Variants in PCDHGA7 observed in about 807,000 individuals in gnomAD.
PCDHGA7 encodes protocadherin gamma subfamily A, 7, also known as protocadherin gamma-A7.
A neutral mutation model predicts 58.3 loss-of-function variants in PCDHGA7; 44 were observed. The observed-to-expected ratio is 0.75, with a 90% CI of 0.59 to 0.97. The LOEUF (loss-of-function observed/expected upper bound fraction) is 0.97, where lower values mean the gene tolerates loss of function less well. Among genes scored for constraint, PCDHGA7 ranks in the 50% least tolerant of loss-of-function variants. The pLI is 0.00. For missense variants in PCDHGA7, 1,266 were observed against 1,188.7 expected (o/e 1.06, Z -0.96); for synonymous variants, 516 against 504.2 (o/e 1.02, Z -0.31).
At chr5:141,427,386 A>G (rs2097020887) in intron 1 of PCDHGA7, 1 of 459,098 alleles carries the variant, frequency 2.2e-6, no homozygotes, top group Non-Finnish European at 4.4e-6. Context: ...CACTCTGTTC[A>G]AAACACATGA....
chr5:141,464,680 A>T (rs747974832), intron 1 of PCDHGA7, among the ~76,000 whole-genome samples: 1 of 152,144 alleles, frequency 6.6e-6, no homozygotes, highest in African/African-American at 2.4e-5. Context: ...TTTTAATTAA[A>T]ATTTCTCTTA....
intron 1 of PCDHGA7, chr5:141,403,562 G>A (rs2094421705): frequency 6.2e-7 from 1 of 1,613,980 alleles, no homozygotes; most frequent in Non-Finnish European, 8.5e-7. Context: ...GGACAGGGAG[G>A]AGGCAACTGC....
chr5:141,499,408 G>C (rs1178843162), intron 2 of PCDHGA7, among the ~76,000 whole-genome samples: 1 of 151,896 alleles, frequency 6.6e-6, no homozygotes, highest in Non-Finnish European at 1.5e-5. Context: ...GCTCATTATA[G>C]AAACATGAAA....
At chr5:141,480,514 C>A (rs1015316945) in intron 1 of PCDHGA7, among the ~76,000 whole-genome samples, 2 of 127,196 alleles carry the variant, frequency 1.6e-5, no homozygotes, top group African/African-American at 7.3e-5. Flanking sequence ...TGAGAACAAC[C>A]AAAAATGACA....
chr5:141,467,715 G>C (rs904101145), intron 1 of PCDHGA7, among the ~76,000 whole-genome samples: 1 of 152,022 alleles, frequency 6.6e-6, no homozygotes, highest in Non-Finnish European at 1.5e-5. Flanking sequence ...AGGCTGGAGT[G>C]TAGTGGCACA....
At chr5:141,390,123 C>T in intron 1 of PCDHGA7, 1 of 1,614,008 alleles carries the variant, frequency 6.2e-7, no homozygotes, top group Non-Finnish European at 8.5e-7. Context: ...GGGGACTTTG[C>T]CTTATTCCTA....
At chr5:141,435,050 C>A (rs2154556494) in intron 1 of PCDHGA7, among the ~76,000 whole-genome samples, 1 of 151,994 alleles carries the variant, frequency 6.6e-6, no homozygotes, top group East Asian at 1.9e-4. Flanking sequence ...TCCCATTGAC[C>A]ATGCAGCAGT....
intron 1 of PCDHGA7, among the ~76,000 whole-genome samples, chr5:141,488,261 G>T (rs993627373): frequency 6.6e-6 from 1 of 152,148 alleles, no homozygotes; most frequent in Non-Finnish European, 1.5e-5. Flanking sequence ...GGTTGGGGCG[G>T]GTTGGTCATC....
intron 1 of PCDHGA7, chr5:141,478,592 TC>T: frequency 6.4e-7 from 1 of 1,570,334 alleles, no homozygotes; most frequent in Non-Finnish European, 8.6e-7. Flanking sequence ...GCTTTTTTAT[TC>T]CTACATCATA....
rs543116266 is a variant in PCDHGA7 at position 141,474,428 on chromosome 5, C to A, written c.2425-20379C>A. 3.9e-5 allele frequency among the ~76,000 whole-genome samples: 6 copies of A among 152,346 alleles called. 1 individual carries two copies. In the South Asian group the frequency reaches 1.0e-3, roughly 26 times the overall value. On this transcript the variant is annotated intron_variant, in intron 1 of 3. Coordinates refer to ENST00000518325, the MANE Select transcript of PCDHGA7 (RefSeq NM_018920.4). ...CGGTGATGCCTAGACCATTGGTCCT[C>A]ACACTTTGAGTAGCAAGTGATTGGG...
intron 1 of PCDHGA7, among the ~76,000 whole-genome samples, chr5:141,475,007 G>A (rs1017671344): frequency 2.0e-5 from 3 of 152,178 alleles, no homozygotes; most frequent in East Asian, 1.9e-4. Flanking sequence ...ATGCAGAAAA[G>A]TTAAGGCTCT....
At chr5:141,483,501 G>C (rs1022338958) in intron 1 of PCDHGA7, among the ~76,000 whole-genome samples, 2 of 150,394 alleles carry the variant, frequency 1.3e-5, no homozygotes, top group African/African-American at 4.9e-5. Context: ...ATGAGTCAAG[G>C]CTGATCCCCC....
In PCDHGA7 at chr5:141,485,972, T is replaced by G; in HGVS notation, c.2425-8835T>G. ...CATGGTGCTCATCCAGCTCAATGCC[T>G]CAGACCCGGACCTGGGTCCCAGTGG... On this transcript the variant is annotated intron_variant, in intron 1 of 3. Transcript: ENST00000518325. The surrounding 1 kb of genome is among the most constrained non-coding windows in gnomAD (Gnocchi z 5.7). 1 of 1,614,184 alleles carries G rather than the reference T, an allele frequency of 6.2e-7. No individual in the cohort carries two copies. Among genetic ancestry groups the G allele is most frequent in the Non-Finnish European group, 8.5e-7 (1 of 1,180,022 alleles).
At chr5:141,409,960 C>T (rs1182396334) in intron 1 of PCDHGA7, 1 of 1,613,416 alleles carries the variant, frequency 6.2e-7, no homozygotes. Context: ...AGCCCGGCTA[C>T]CTAGTGACTA....
chr5:141,400,221 C>T (rs377228541), intron 1 of PCDHGA7: 36 of 1,614,060 alleles, frequency 2.2e-5, no homozygotes, highest in Admixed American at 6.7e-5. Flanking sequence ...TCTCAGTGCT[C>T]TTCCTCCTGG....
At chr5:141,507,283 G>T (rs917383969) in intron 3 of PCDHGA7, 2 of 150,498 alleles carry the variant, frequency 1.3e-5, no homozygotes, top group Non-Finnish European at 2.9e-5. Context: ...GCATAAGTCA[G>T]TCTCAAATGT....
At chr5:141,421,429 G>T in intron 1 of PCDHGA7, 1 of 1,614,090 alleles carries the variant, frequency 6.2e-7, no homozygotes, top group Non-Finnish European at 8.5e-7. Flanking sequence ...AGTCCGCATC[G>T]TCTCCAGAGG....
At chr5:141,409,098 G>A in intron 1 of PCDHGA7, 2 of 1,613,994 alleles carry the variant, frequency 1.2e-6, no homozygotes, top group Non-Finnish European at 1.7e-6. Flanking sequence ...GAGAAAACAG[G>A]TATGATTAAG....
At chr5:141,403,873 A>G in intron 1 of PCDHGA7, 1 of 1,613,840 alleles carries the variant, frequency 6.2e-7, no homozygotes, top group Non-Finnish European at 8.5e-7. Flanking sequence ...CAAAAAGTCT[A>G]GATTATGAAG....
Sources: gnomAD v4.1 joint callset for allele counts (sites outside exome capture counted in the v4.1 genomes callset) on GRCh38, gnomAD v4.1.1 for gene constraint, Gnocchi (gnomAD v3.1) non-coding constraint, MANE v1.5 for transcripts, NCBI Gene and HGNC (gene_info 2026-07-23, HGNC 2026-07-21) for gene names.